The following NTM variants were observed in gnomAD, a reference collection of about 807,000 sequenced individuals.
The protein encoded by NTM is IgLON family member 2.
Under a neutral mutation model 42.1 loss-of-function variants are expected in NTM, and 13 were observed. The observed-to-expected ratio is 0.31, with a 90% CI of 0.20 to 0.49. The LOEUF (loss-of-function observed/expected upper bound fraction) is 0.49. Ranked by LOEUF, NTM falls within the 20% of genes least tolerant of loss-of-function variation. NTM has a pLI of 0.99. For synonymous variants in NTM, 187 were observed against 179.2 expected (o/e 1.04, Z -0.35); for missense variants, 373 against 452.8 (o/e 0.82, Z 1.60).
chr11:132,294,604 G>A (rs1037461090), intron 4 of NTM, among the ~76,000 whole-genome samples: 3 of 152,086 alleles, frequency 2.0e-5, no homozygotes, highest in South Asian at 4.1e-4. Context: ...AACTTACATC[G>A]AGCAGTTGAG....
intron 4 of NTM, among the ~76,000 whole-genome samples, chr11:132,271,532 T>G (rs2139693554): frequency 6.6e-6 from 1 of 151,686 alleles, no homozygotes; most frequent in African/African-American, 2.4e-5. Flanking sequence ...ACTCTTCCAA[T>G]ATTTCAACAT....
intron 1 of NTM, among the ~76,000 whole-genome samples, chr11:131,831,992 T>C (rs1322046322): frequency 1.3e-5 from 2 of 148,626 alleles, no homozygotes; most frequent in Non-Finnish European, 3.0e-5. Context: ...GCCTAGTACA[T>C]ATATATATGT....
chr11:131,454,957 G>A (rs1031920073), intron 1 of NTM, among the ~76,000 whole-genome samples: 7 of 152,170 alleles, frequency 4.6e-5, no homozygotes, highest in Non-Finnish European at 8.8e-5. Flanking sequence ...GGTTCTATAG[G>A]GAGGGGGGAA....
chr11:131,959,159 T>C (rs553259854), intron 2 of NTM, among the ~76,000 whole-genome samples: 2 of 152,310 alleles, frequency 1.3e-5, no homozygotes, highest in South Asian at 4.1e-4. Context: ...CACAACCAAG[T>C]AACCCCTCAT....
chr11:131,792,932 G>A (rs982139852), intron 1 of NTM, among the ~76,000 whole-genome samples: 1 of 152,146 alleles, frequency 6.6e-6, no homozygotes. Flanking sequence ...CTTACTAACC[G>A]GTTATCTCTA....
At chr11:131,441,604 C>T (rs1949631482) in intron 1 of NTM, among the ~76,000 whole-genome samples, 1 of 152,170 alleles carries the variant, frequency 6.6e-6, no homozygotes, top group Non-Finnish European at 1.5e-5. Flanking sequence ...AGGATTGGAG[C>T]ATGGCAGCTC....
chr11:132,332,697 C>G (rs1275663738), intron 8 of NTM: 1 of 152,212 alleles, frequency 6.6e-6, no homozygotes, highest in Non-Finnish European at 1.5e-5. Flanking sequence ...TGTTTGCCCG[C>G]TCTCAGTCGT....
At chr11:132,054,676 CAAAG>C (rs2079349026) in intron 2 of NTM, among the ~76,000 whole-genome samples, 1 of 152,060 alleles carries the variant, frequency 6.6e-6, no homozygotes, top group African/African-American at 2.4e-5. Context: ...AATCTAGACC[CAAAG>C]AAAGAGAAAG....
chr11:131,622,082 G>C (rs1037936543), intron 1 of NTM, among the ~76,000 whole-genome samples: 13 of 152,276 alleles, frequency 8.5e-5, no homozygotes, highest in African/African-American at 3.1e-4. Context: ...TGTGTGGGCA[G>C]AAGACATTAG....
rs556351353 is a variant in NTM at position 131,563,955 on chromosome 11, A to C, written c.82+193067A>C. ...TGCTTATGTGGCTGCGTTGCCAAAG[A>C]GAGACCTGACTCTGCTCCCCAGACC... On this transcript the variant is annotated intron_variant, in intron 1 of 8. Transcript: ENST00000683400. Among the ~76,000 whole-genome samples the C allele has an allele frequency of 5.9e-5, 9 of 152,258 alleles. No individual in the cohort carries two copies. In the East Asian group the frequency reaches 1.7e-3, roughly 29 times the overall value.
intron 2 of NTM, among the ~76,000 whole-genome samples, chr11:132,092,161 C>T (rs1338635831): frequency 6.6e-6 from 1 of 152,180 alleles, no homozygotes; most frequent in East Asian, 1.9e-4. Context: ...TTTCTATTTC[C>T]CTTCAGCAAT....
At position 132,307,760 on chromosome 11, in the gene NTM, G is replaced by T; in HGVS notation, c.598G>T (p.Glu200Ter). The T allele has an allele frequency of 6.2e-7, 1 of 1,614,172 alleles. No homozygotes were observed. The highest frequency in any genetic ancestry group is 8.5e-7 in the Non-Finnish European group (1 of 1,180,038). ...CACCAGGGAGCAGTCAGGGGACTAC[G>T]AGTGCAGTGCCTCCAATGACGTGGC... ...GITREQSGDY[E>*]CSASNDVAAP... Residue 200 changes from glutamate (E) to a stop codon, truncating the protein, a stop_gained, in exon 5 of 9, where the codon GAG becomes TAG. Coordinates refer to ENST00000683400, the MANE Select transcript of NTM (RefSeq NM_001352005.2). LOFTEE classifies it high-confidence loss of function.
intron 1 of NTM, among the ~76,000 whole-genome samples, chr11:131,855,752 G>T (rs114308347): frequency 2.0e-5 from 3 of 151,988 alleles, no homozygotes; most frequent in African/African-American, 7.3e-5. Context: ...ATTGCTCTTC[G>T]GATCCTTCTG....
chr11:131,990,515 GTGTGTGTGTGTCTATAA>G (rs1424065129), intron 2 of NTM, among the ~76,000 whole-genome samples: 1 of 152,064 alleles, frequency 6.6e-6, no homozygotes, highest in South Asian at 2.1e-4. Context: ...GTTTGCATGT[GTGTGTGTGTGTCTATAA>G]TGTGTGTGTG....
At chr11:131,877,901 G>C (rs2048769840) in intron 1 of NTM, 1 of 152,274 alleles carries the variant, frequency 6.6e-6, no homozygotes, top group African/African-American at 2.4e-5. Flanking sequence ...TCTCAGGGCA[G>C]GGCTGGCCTC....
At chr11:131,669,826 A>C (rs939803964) in intron 1 of NTM, among the ~76,000 whole-genome samples, 5 of 152,202 alleles carry the variant, frequency 3.3e-5, no homozygotes, top group Non-Finnish European at 2.9e-5. Context: ...GCTCCGTGGT[A>C]ATAAACTTGT....
chr11:131,495,023 G>T (rs1955187000), intron 1 of NTM, among the ~76,000 whole-genome samples: 4 of 152,144 alleles, frequency 2.6e-5, no homozygotes. Context: ...GAGGAAATTT[G>T]GATGGTTCAT....
intron 8 of NTM, among the ~76,000 whole-genome samples, chr11:132,330,779 C>T (rs78481090): frequency 5.3e-5 from 8 of 152,172 alleles, no homozygotes; most frequent in African/African-American, 1.2e-4. Flanking sequence ...TTTAGGCCTC[C>T]GCAGCTCTCT....
At chr11:131,647,069 T>C (rs770358436) in intron 1 of NTM, among the ~76,000 whole-genome samples, 11 of 152,222 alleles carry the variant, frequency 7.2e-5, no homozygotes, top group Non-Finnish European at 1.0e-4. Context: ...GTACCCTGGC[T>C]GTGCCACCTG....
Sources: allele counts gnomAD v4.1 joint callset (sites outside exome capture counted in the v4.1 genomes callset), GRCh38; gene constraint gnomAD v4.1.1; transcripts MANE v1.5; gene names NCBI Gene and HGNC (gene_info 2026-07-23, HGNC 2026-07-21).